The following PDE3B variants were observed in gnomAD, a reference collection of about 807,000 sequenced individuals.
PDE3B encodes the protein phosphodiesterase 3B.
PDE3B carries 66 observed loss-of-function variants against 116.8 expected under a neutral mutation model. The observed-to-expected ratio is 0.56, with a 90% confidence interval of 0.46 to 0.69. The LOEUF (loss-of-function observed/expected upper bound fraction) is 0.69. Among genes scored for constraint, PDE3B ranks in the 30% least tolerant of loss-of-function variants. The probability of loss-of-function intolerance (pLI) is 0.00; values close to 1 mark genes in which losing one functional copy is unlikely to be tolerated. For synonymous variants in PDE3B, 595 were observed against 533.6 expected (o/e 1.12, Z -1.59); for missense variants, 1,384 against 1,368.1 (o/e 1.01, Z -0.18).
chr11:14,732,948 T>C (rs796443742), intron 1 of PDE3B, among the ~76,000 whole-genome samples: 8 of 152,364 alleles, frequency 5.3e-5, no homozygotes, highest in African/African-American at 1.9e-4. Flanking sequence ...TATTCATTGG[T>C]TCATATACAC....
intron 1 of PDE3B, among the ~76,000 whole-genome samples, chr11:14,707,962 A>G (rs1197464627): frequency 2.0e-5 from 3 of 152,086 alleles, no homozygotes; most frequent in Non-Finnish European, 2.9e-5. Flanking sequence ...ATGGAGAAGC[A>G]TCCCTTGGAA....
chr11:14,671,451 G>C (rs932597851), intron 1 of PDE3B, among the ~76,000 whole-genome samples: 1 of 152,138 alleles, frequency 6.6e-6, no homozygotes, highest in African/African-American at 2.4e-5. Context: ...AGAGTGGTGG[G>C]AGTGGTAAGA....
At chr11:14,783,421 A>G (rs987921803) in intron 2 of PDE3B, among the ~76,000 whole-genome samples, 1 of 152,256 alleles carries the variant, frequency 6.6e-6, no homozygotes, top group Non-Finnish European at 1.5e-5. Context: ...ATGGAATACT[A>G]TGCAGCCATA....
chr11:14,883,615 T>A, the PDE3B span, among the ~76,000 whole-genome samples: 2 of 152,094 alleles, frequency 1.3e-5, no homozygotes, highest in African/African-American at 2.4e-5. Flanking sequence ...ATTCAGGAGA[T>A]AGGCATGGGC....
At chr11:14,794,012 G>A (rs1858471151) in intron 4 of PDE3B, among the ~76,000 whole-genome samples, 2 of 152,128 alleles carry the variant, frequency 1.3e-5, no homozygotes, top group Non-Finnish European at 2.9e-5. Flanking sequence ...AACTGAGTTG[G>A]TACAGACCTT....
At chr11:14,785,685 C>G (rs920024118) in intron 2 of PDE3B, among the ~76,000 whole-genome samples, 1 of 151,894 alleles carries the variant, frequency 6.6e-6, no homozygotes, top group African/African-American at 2.4e-5. Flanking sequence ...ATGTTTACAT[C>G]GGTGACATAT....
chr11:14,707,641 C>T (rs1241266748), intron 1 of PDE3B, among the ~76,000 whole-genome samples: 2 of 151,938 alleles, frequency 1.3e-5, no homozygotes, highest in Non-Finnish European at 2.9e-5. Context: ...TTTAGGGAAA[C>T]ATCAGTTTGT....
At chr11:14,706,299 A>G (rs1180181350) in intron 1 of PDE3B, among the ~76,000 whole-genome samples, 1 of 151,888 alleles carries the variant, frequency 6.6e-6, no homozygotes, top group Non-Finnish European at 1.5e-5. Flanking sequence ...TTAAAATTAT[A>G]CAGTACCTGA....
intron 1 of PDE3B, chr11:14,674,239 A>C: frequency 8.3e-7 from 1 of 1,206,568 alleles, no homozygotes; most frequent in Non-Finnish European, 1.2e-6. Context: ...TTTCACTTCA[A>C]CATTTTTCTG....
intron 7 of PDE3B, among the ~76,000 whole-genome samples, chr11:14,821,971 A>G (rs1044617232): frequency 6.6e-6 from 1 of 151,752 alleles, no homozygotes; most frequent in Admixed American, 6.6e-5. Flanking sequence ...CAGTGGCACA[A>G]TCATGGCTCA....
the PDE3B span, among the ~76,000 whole-genome samples, chr11:14,889,574 C>T: frequency 1.3e-5 from 2 of 152,118 alleles, no homozygotes; most frequent in East Asian, 3.9e-4. Flanking sequence ...ACAGTTTGGC[C>T]CTATTTCATT....
chr11:14,799,696 C>G (rs755568288), intron 4 of PDE3B, among the ~76,000 whole-genome samples: 1 of 148,792 alleles, frequency 6.7e-6, no homozygotes, highest in Non-Finnish European at 1.5e-5. Flanking sequence ...CCTTCTTTGT[C>G]TCTTTTAATC....
At chr11:14,876,470 TAAC>T (rs1462101343), downstream of PDE3B, among the ~76,000 whole-genome samples, 4 of 152,186 alleles carry the variant, frequency 2.6e-5, no homozygotes, top group African/African-American at 9.6e-5. Context: ...TTTGTTTAGA[TAAC>T]TACACCACCC....
At chr11:14,789,574 A>G (rs1590146658) in intron 4 of PDE3B, among the ~76,000 whole-genome samples, 1 of 152,028 alleles carries the variant, frequency 6.6e-6, no homozygotes, top group South Asian at 2.1e-4. Context: ...TTAGCCACCA[A>G]TCCAATGAAT....
At chr11:14,703,541 A>G (rs1176722171) in intron 1 of PDE3B, among the ~76,000 whole-genome samples, 2 of 151,428 alleles carry the variant, frequency 1.3e-5, no homozygotes, top group Admixed American at 6.6e-5. Flanking sequence ...TTAGGTGGCT[A>G]CTAGTTTATT....
chr11:14,858,944 G>T, intron 12 of PDE3B, 99 bp from the exon 13 acceptor site: 2 of 757,512 alleles, frequency 2.6e-6, no homozygotes, highest in East Asian at 2.6e-5. Flanking sequence ...CTAGTATATA[G>T]TAGGTATTCA....
chr11:14,865,857 T>C (rs921334020), intron 14 of PDE3B, among the ~76,000 whole-genome samples: 4 of 152,186 alleles, frequency 2.6e-5, no homozygotes, highest in East Asian at 1.9e-4. Context: ...TAATAGTGTA[T>C]GTAAATTTTA....
chr11:14,687,493 C>A (rs1249790420), intron 1 of PDE3B, among the ~76,000 whole-genome samples: 1 of 152,068 alleles, frequency 6.6e-6, no homozygotes, highest in African/African-American at 2.4e-5. Flanking sequence ...GACAATAGAA[C>A]TATGTTTATT....
At chr11:14,829,799 T>C (rs1859812825) in intron 7 of PDE3B, among the ~76,000 whole-genome samples, 1 of 151,878 alleles carries the variant, frequency 6.6e-6, no homozygotes, top group African/African-American at 2.4e-5. Flanking sequence ...ATGACACAAA[T>C]TTACCTATAT....
Sources: allele counts gnomAD v4.1 joint callset (sites outside exome capture counted in the v4.1 genomes callset), GRCh38; gene constraint gnomAD v4.1.1; transcripts MANE v1.5; gene names NCBI Gene and HGNC (gene_info 2026-07-23, HGNC 2026-07-21).